Variants in PLCL2 observed in about 807,000 individuals in gnomAD.
The protein encoded by PLCL2 is phospholipase C like 2.
Under a neutral mutation model 79.6 loss-of-function variants are expected in PLCL2, and 4 were observed. The ratio of observed to expected loss-of-function variants is 0.05; its 90% CI spans 0.02 to 0.11. PLCL2 has a LOEUF of 0.11. PLCL2 is among the 10% of genes least tolerant of loss of function. The probability of loss-of-function intolerance (pLI) is 1.00; values close to 1 mark genes in which losing one functional copy is unlikely to be tolerated. For missense variants in PLCL2, 895 were observed against 1,291.0 expected (o/e 0.69, Z 4.70); for synonymous variants, 484 against 457.7 (o/e 1.06, Z -0.73).
At chr3:16,924,541 A>G (rs1275598718) in intron 1 of PLCL2, among the ~76,000 whole-genome samples, 1 of 152,196 alleles carries the variant, frequency 6.6e-6, no homozygotes, top group Non-Finnish European at 1.5e-5. Flanking sequence ...TCCTATTTGC[A>G]CAGACCCTGG....
intron 1 of PLCL2, among the ~76,000 whole-genome samples, chr3:16,907,004 C>G (rs1322557075): frequency 6.6e-6 from 1 of 152,198 alleles, no homozygotes; most frequent in Admixed American, 6.5e-5. Flanking sequence ...CTTCTGAATC[C>G]TGTTTCCTTT....
At chr3:17,089,466 G>A (rs1186097991) in intron 5 of PLCL2, among the ~76,000 whole-genome samples, 1 of 152,084 alleles carries the variant, frequency 6.6e-6, no homozygotes, top group Non-Finnish European at 1.5e-5. Flanking sequence ...GGATAGACAG[G>A]AATAGTTCAT....
At chr3:16,932,536 A>G (rs1697429770) in intron 1 of PLCL2, among the ~76,000 whole-genome samples, 1 of 152,214 alleles carries the variant, frequency 6.6e-6, no homozygotes, top group African/African-American at 2.4e-5. Context: ...TCTTGGTAAT[A>G]AGACAAGAAG....
chr3:17,000,964 G>A (rs895630596), intron 1 of PLCL2, among the ~76,000 whole-genome samples: 1 of 152,038 alleles, frequency 6.6e-6, no homozygotes, highest in South Asian at 2.1e-4. Context: ...GGATTATATG[G>A]TAGTTCTATT....
chr3:16,906,564 G>T (rs1344866898), intron 1 of PLCL2, among the ~76,000 whole-genome samples: 1 of 152,050 alleles, frequency 6.6e-6, no homozygotes, highest in Non-Finnish European at 1.5e-5. Flanking sequence ...TATCAGTAAT[G>T]AATATTCTAC....
intron 1 of PLCL2, among the ~76,000 whole-genome samples, chr3:16,926,972 G>GA (rs1697271813): frequency 1.3e-5 from 2 of 152,036 alleles, no homozygotes; most frequent in South Asian, 2.1e-4. Flanking sequence ...GTGGGTGGCT[G>GA]AAAAAAATCA....
intron 4 of PLCL2, among the ~76,000 whole-genome samples, chr3:17,045,112 A>C (rs908330418): frequency 6.6e-6 from 1 of 152,212 alleles, no homozygotes; most frequent in Non-Finnish European, 1.5e-5. Flanking sequence ...GTAAGGACAT[A>C]TAGTCATTAG....
chr3:17,042,427 G>A (rs914819178), intron 3 of PLCL2, among the ~76,000 whole-genome samples: 6 of 152,180 alleles, frequency 3.9e-5, no homozygotes, highest in African/African-American at 1.4e-4. Context: ...CTCATTGTAT[G>A]TTTTAAACTG....
chr3:17,048,685 G>C (rs970415366), intron 4 of PLCL2, among the ~76,000 whole-genome samples: 8 of 152,168 alleles, frequency 5.3e-5, no homozygotes, highest in Non-Finnish European at 1.2e-4. Context: ...GTTGTGCTGA[G>C]CTCAAGTGTT....
intron 1 of PLCL2, among the ~76,000 whole-genome samples, chr3:16,894,865 T>G (rs1248020041): frequency 2.6e-5 from 4 of 151,740 alleles, no homozygotes; most frequent in African/African-American, 9.7e-5. Context: ...TCTTTTGTGA[T>G]ATATATATAT....
chr3:16,982,107 T>A (rs1341058097), intron 1 of PLCL2, among the ~76,000 whole-genome samples: 1 of 152,236 alleles, frequency 6.6e-6, no homozygotes, highest in Non-Finnish European at 1.5e-5. Context: ...ATGCATTTGC[T>A]TTATATCCGA....
chr3:16,988,718 T>C (rs1484769502), intron 1 of PLCL2, among the ~76,000 whole-genome samples: 1 of 152,146 alleles, frequency 6.6e-6, no homozygotes, highest in African/African-American at 2.4e-5. Flanking sequence ...GCAAGCTGAT[T>C]TGTATCAACT....
At chr3:17,031,835 G>C (rs1284823763) in intron 3 of PLCL2, among the ~76,000 whole-genome samples, 2 of 151,246 alleles carry the variant, frequency 1.3e-5, no homozygotes, top group African/African-American at 4.9e-5. Flanking sequence ...TAAACTGGCA[G>C]AAATTATTAT....
chr3:16,930,764 C>T (rs1246806959), intron 1 of PLCL2, among the ~76,000 whole-genome samples: 3 of 152,122 alleles, frequency 2.0e-5, no homozygotes, highest in African/African-American at 7.2e-5. Flanking sequence ...AGCACCTGAA[C>T]TCCAGCATGT....
At chr3:16,992,494 G>A (rs928790201) in intron 1 of PLCL2, among the ~76,000 whole-genome samples, 1 of 152,104 alleles carries the variant, frequency 6.6e-6, no homozygotes, top group African/African-American at 2.4e-5. Flanking sequence ...GGCTATACAG[G>A]CATTGTGGTG....
chr3:16,925,500 A>G (rs1697226273), intron 1 of PLCL2, among the ~76,000 whole-genome samples: 1 of 152,202 alleles, frequency 6.6e-6, no homozygotes, highest in Admixed American at 6.5e-5. Context: ...ATCTAATTGC[A>G]GAACACTTTC....
chr3:17,052,989 C>G (rs895196961), intron 4 of PLCL2, among the ~76,000 whole-genome samples: 3 of 152,106 alleles, frequency 2.0e-5, no homozygotes, highest in Admixed American at 2.0e-4. Context: ...AAGTTACATG[C>G]AGATTTTTGA....
intron 1 of PLCL2, among the ~76,000 whole-genome samples, chr3:16,985,940 A>G (rs752206557): frequency 5.9e-5 from 9 of 152,122 alleles, no homozygotes; most frequent in Non-Finnish European, 8.8e-5. Flanking sequence ...AGAGAACAAA[A>G]TAAAAAGCTA....
intron 1 of PLCL2, among the ~76,000 whole-genome samples, chr3:16,980,038 G>A (rs2063967778): frequency 7.0e-6 from 1 of 142,446 alleles, no homozygotes; most frequent in Non-Finnish European, 1.5e-5. Context: ...CCCAGTAGGG[G>A]CGGCCGGGCA....
Sources: gnomAD v4.1 joint callset for allele counts (sites outside exome capture counted in the v4.1 genomes callset) on GRCh38, gnomAD v4.1.1 for gene constraint, MANE v1.5 for transcripts, NCBI Gene and HGNC (gene_info 2026-07-23, HGNC 2026-07-21) for gene names.